The following UNC80 variants were observed in gnomAD, a reference collection of about 807,000 sequenced individuals.
UNC80 encodes the protein unc-80 subunit of NALCN channel complex, also known as protein unc-80 homolog.
UNC80 carries 164 observed loss-of-function variants against 384.6 expected under a neutral mutation model. That is an observed-to-expected ratio of 0.43 (90% confidence interval 0.38 to 0.49). The LOEUF (loss-of-function observed/expected upper bound fraction) is 0.49, where lower values mean the gene tolerates loss of function less well. UNC80 is among the 20% of genes least tolerant of loss of function. UNC80 has a pLI of 0.00. For synonymous variants in UNC80, 1,486 were observed against 1,527.8 expected, an observed-to-expected ratio of 0.97 and a Z score of 0.64; for missense variants, 3,330 against 4,143.0, an observed-to-expected ratio of 0.80 and a Z score of 5.39.
intron 2 of UNC80, among the ~76,000 whole-genome samples, chr2:209,774,214 G>A (rs185255370): frequency 3.2e-4 from 48 of 152,260 alleles, no homozygotes; most frequent in Non-Finnish European, 1.5e-4. Flanking sequence ...GTAGGAATTT[G>A]TTTTGTTGCA....
In UNC80 at chr2:209,866,533, C is replaced by CATACACACAG. The variant is rs1307214321; in HGVS notation, c.3628-6224_3628-6223insTACACACAGA. ...ACACACACACACACACACACACACA[C>CATACACACAG]AGAGAGAGAGAGAGAGAGAGAGAGA... On this transcript the variant is annotated intron_variant, in intron 22 of 64. Transcript: ENST00000673920. Among the ~76,000 whole-genome samples, 118 of 104,110 alleles carry CATACACACAG rather than the reference C, an allele frequency of 1.1e-3. 2 individuals are homozygous for CATACACACAG. In the East Asian group the frequency reaches 0.012, roughly 11 times the overall value. 68.3% of individuals were successfully genotyped at this position (104,110 alleles called of 152,430 possible).
At chr2:209,864,925 G>A (rs2083608906) in intron 22 of UNC80, among the ~76,000 whole-genome samples, 1 of 152,258 alleles carries the variant, frequency 6.6e-6, no homozygotes, top group African/African-American at 2.4e-5. Flanking sequence ...CTGAGAGGCT[G>A]TTAAGAGTCT....
At chr2:209,882,672 T>C (rs371957780) in intron 25 of UNC80, among the ~76,000 whole-genome samples, 9 of 152,348 alleles carry the variant, frequency 5.9e-5, no homozygotes, top group African/African-American at 1.9e-4. Context: ...TCAGCACTTC[T>C]ATAGGCCTCT....
chr2:209,965,638 GTCTTGAAC>G (rs1211405025), intron 51 of UNC80, among the ~76,000 whole-genome samples: 3 of 151,914 alleles, frequency 2.0e-5, no homozygotes, highest in African/African-American at 7.3e-5. Context: ...GGCCAGGCTG[GTCTTGAAC>G]TCCTGACCTC....
rs553798864 is a variant in UNC80 at position 209,855,940 on chromosome 2, G to T, written c.3627+6317G>T. Among the ~76,000 whole-genome samples, 16 of 151,968 alleles carry T rather than the reference G, an allele frequency of 1.1e-4. 1 individual carries two copies. In the South Asian group the frequency reaches 3.3e-3, roughly 32 times the overall value. On this transcript the variant is annotated intron_variant, in intron 22 of 64. Transcript: ENST00000673920. ...CAAAATTCTGGCTAATTTTAGCAAT[G>T]CCCTTATTAATATTTTTCTGTATGG...
chr2:209,929,214 C>G lies in UNC80; in HGVS notation c.5807-657C>G, dbSNP rs140747419. Among the ~76,000 whole-genome samples the G allele has an allele frequency of 3.3e-3, 506 of 152,252 alleles. 2 individuals are homozygous for G. The highest frequency in any genetic ancestry group is 0.012 in the African/African-American group (489 of 41,544). Reference sequence around the variant, plus strand: ...TGGGAAACACGTTGAAACTAAAGACCATTCAGTGCTTACTGGCCCTGTTTT... The same window carrying G: ...TGGGAAACACGTTGAAACTAAAGACGATTCAGTGCTTACTGGCCCTGTTTT... On this transcript the variant is annotated intron_variant, in intron 36 of 64. Transcript: ENST00000673920.
rs1574585077 is a variant in UNC80, at chr2:209,819,044, C to T, written c.1745C>T (p.Ala582Val). 1.3e-6 allele frequency: 2 copies of T among 1,551,784 alleles called. No individual in the cohort carries two copies. Among genetic ancestry groups the T allele is most frequent in the South Asian group, 1.2e-5 (1 of 84,058 alleles). Residue 582 changes from alanine to valine, a missense_variant, in exon 12 of 65, where the codon GCG becomes GTG. By Grantham distance (64) the Ala-to-Val change is moderately conservative. This residue lies in a region of UNC80 where 937 missense variants were observed against 1,026.8 expected (regional missense o/e 0.91). Coordinates refer to ENST00000673920, the MANE Select transcript of UNC80 (RefSeq NM_001371986.1). Reference protein sequence around the residue: ...ITVATFNTTLASFNVGYADFF... With the variant: ...ITVATFNTTLVSFNVGYADFF... ...GTTGCGACCTTCAATACCACTTTGG[C>T]GTCATTCAACGTAGGCTATGCAGAC...
chr2:209,776,197 C>CCTG, intron 3 of UNC80, 152 bp downstream of exon 3: 1 of 1,006,560 alleles, frequency 9.9e-7, no homozygotes, highest in Non-Finnish European at 1.4e-6. Context: ...CACACTTATA[C>CCTG]TCATTATTTT....
Position 209,895,363 on chromosome 2 carries a change from G to A in UNC80, c.4481-950G>A, listed in dbSNP as rs561912597. 3.2e-4 allele frequency among the ~76,000 whole-genome samples: 49 copies of A among 152,276 alleles called. No homozygotes were observed. The South Asian group carries it at 5.2e-3, about 16-fold the overall frequency. On this transcript the variant is annotated intron_variant, in intron 27 of 64. Coordinates refer to ENST00000673920, the MANE Select transcript of UNC80 (RefSeq NM_001371986.1). Reference sequence around the variant, plus strand: ...TGTGGATAAATTATCGATCAAGTCTGCTGAAATAAAAGCTGAGTATATTTA... The same window carrying A: ...TGTGGATAAATTATCGATCAAGTCTACTGAAATAAAAGCTGAGTATATTTA...
At chr2:209,971,599 A>T (rs957972654) in intron 54 of UNC80, among the ~76,000 whole-genome samples, 4 of 152,082 alleles carry the variant, frequency 2.6e-5, no homozygotes, top group Admixed American at 6.5e-5. Context: ...TGGATAACTG[A>T]CCCATCCGTC....
intron 29 of UNC80, among the ~76,000 whole-genome samples, chr2:209,907,696 G>T (rs1461580925): frequency 1.3e-5 from 2 of 152,196 alleles, no homozygotes; most frequent in Non-Finnish European, 2.9e-5. Context: ...GCGAGCAGTG[G>T]CATGTTCTTA....
At chr2:209,888,489 A>G (rs1403455310) in intron 26 of UNC80, among the ~76,000 whole-genome samples, 7 of 152,190 alleles carry the variant, frequency 4.6e-5, no homozygotes, top group East Asian at 3.9e-4. Context: ...CATTACAGCT[A>G]TAAGATGAAC....
intron 28 of UNC80, among the ~76,000 whole-genome samples, chr2:209,903,163 C>G (rs2087622575): frequency 6.6e-6 from 1 of 150,738 alleles, no homozygotes; most frequent in South Asian, 2.1e-4. Flanking sequence ...TAATGATTCC[C>G]AAAAATGTCT....
intron 4 of UNC80, among the ~76,000 whole-genome samples, chr2:209,779,645 G>A (rs1379733516): frequency 6.6e-6 from 1 of 152,108 alleles, no homozygotes; most frequent in Non-Finnish European, 1.5e-5. Context: ...TGTCATATAT[G>A]AGACTCTCAA....
At chr2:209,819,341 G>T in intron 12 of UNC80, 80 bp downstream of exon 12, 1 of 1,334,784 alleles carries the variant, frequency 7.5e-7, no homozygotes, top group Non-Finnish European at 9.9e-7. Context: ...ATATAAAATG[G>T]GCATATAGAT....
chr2:209,947,736 TTTTA>T (rs1362883275), intron 47 of UNC80, among the ~76,000 whole-genome samples: 49 of 147,680 alleles, frequency 3.3e-4, no homozygotes, highest in African/African-American at 1.3e-3. Context: ...TTTAAAAGTA[TTTTA>T]TTTAAGTGTA....
At chr2:209,786,823 C>A (rs1475057594) in intron 5 of UNC80, among the ~76,000 whole-genome samples, 1 of 151,788 alleles carries the variant, frequency 6.6e-6, no homozygotes, top group Non-Finnish European at 1.5e-5. Flanking sequence ...GATAATGCCA[C>A]CTTATAGGGC....
intron 16 of UNC80, among the ~76,000 whole-genome samples, chr2:209,832,079 G>A (rs1173736478): frequency 2.6e-5 from 4 of 152,096 alleles, no homozygotes; most frequent in Admixed American, 1.3e-4. Context: ...AGTCACAATA[G>A]GATAGGGAAG....
Position 209,926,930 on chromosome 2 carries a change from T to G in UNC80, c.5750T>G (p.Val1917Gly). ...AVFPACICAA[V>G]LPIVHLMEDG... ...TTCCCAGCATGCATCTGTGCAGCAG[T>G]ACTTCCCATTGTTCATCTGATGGAG... Residue 1917 changes from valine (V) to glycine (G), a missense_variant, in exon 36 of 65, where the codon GTA (valine) becomes GGA (glycine). By Grantham distance (109) the Val-to-Gly change is moderately radical. Coordinates refer to ENST00000673920, the MANE Select transcript of UNC80 (RefSeq NM_001371986.1). 1 of 1,552,220 alleles carries G rather than the reference T, an allele frequency of 6.4e-7. No homozygotes were observed. Among genetic ancestry groups the G allele is most frequent in the Non-Finnish European group, 8.7e-7 (1 of 1,147,078 alleles).
Sources: gnomAD v4.1 joint callset for allele counts (sites outside exome capture counted in the v4.1 genomes callset) on GRCh38, gnomAD v4.1.1 for gene constraint, gnomAD v4.1.1 regional missense constraint, MANE v1.5 for transcripts, NCBI Gene and HGNC (gene_info 2026-07-23, HGNC 2026-07-21) for gene names.